OSMR: variants seen among roughly 807,000 people sequenced by gnomAD.
OSMR encodes the protein oncostatin M receptor.
Under a neutral mutation model 99.9 loss-of-function variants are expected in OSMR, and 81 were observed. The ratio of observed to expected loss-of-function variants is 0.81; its 90% CI spans 0.68 to 0.97. The LOEUF is 0.97. Ranked by LOEUF, OSMR falls within the 50% of genes least tolerant of loss-of-function variation. The probability of loss-of-function intolerance (pLI) is 0.00; values close to 1 mark genes in which losing one functional copy is unlikely to be tolerated. For missense variants in OSMR, 1,099 were observed against 1,153.4 expected (o/e 0.95, Z 0.68); for synonymous variants, 406 against 410.4 (o/e 0.99, Z 0.13).
chr5:38,926,392 A>G (rs2112675535), intron 15 of OSMR, among the ~76,000 whole-genome samples: 1 of 152,342 alleles, frequency 6.6e-6, no homozygotes, highest in East Asian at 1.9e-4. Context: ...GGGGTAATTT[A>G]TAAAGGAAAG....
At chr5:38,909,331 T>C (rs1473693989) in intron 9 of OSMR, among the ~76,000 whole-genome samples, 1 of 152,240 alleles carries the variant, frequency 6.6e-6, no homozygotes, top group Non-Finnish European at 1.5e-5. Flanking sequence ...CCAGCCTCAC[T>C]GGAGAGGACA....
chr5:38,853,104 C>T (rs921755896), intron 1 of OSMR, among the ~76,000 whole-genome samples: 1 of 152,156 alleles, frequency 6.6e-6, no homozygotes, highest in Non-Finnish European at 1.5e-5. Context: ...TCATTCTTCA[C>T]CCTCCCCCTA....
rs148893980 is a variant in OSMR, at chr5:38,923,646, A to G, written c.1870+392A>G. Among the ~76,000 whole-genome samples, 126 of 152,250 alleles carry G rather than the reference A, an allele frequency of 8.3e-4. 1 individual carries two copies. The highest frequency in any genetic ancestry group is 3.0e-3 in the African/African-American group (124 of 41,530). ...TTAAGACTTTCCACACATGTTGTGA[A>G]ATCACCCCCTAGAAATGTTACCACT... On this transcript the variant is annotated intron_variant, in intron 13 of 17. Transcript: ENST00000274276.
In OSMR at chr5:38,925,373, TGA is replaced by T. The variant is rs1746430835; in HGVS notation, c.2212+4_2212+5del. On this transcript the variant is annotated splice_donor_region_variant and intron_variant, in intron 15 of 17. Coordinates refer to ENST00000274276, the MANE Select transcript of OSMR (RefSeq NM_003999.3). ...AGGTCACGACTCCGGATGAACACTG[TGA>T]GTTTTCCCAAATCAAAGTTCTTCCC... 2 of 1,612,436 alleles carry T rather than the reference TGA, an allele frequency of 1.2e-6. No homozygotes were observed. The highest frequency in any genetic ancestry group is 1.3e-5 in the African/African-American group (1 of 74,884).
In OSMR at chr5:38,916,790, T is replaced by C. The variant is rs186473640; in HGVS notation, c.1286-756T>C. On this transcript the variant is annotated intron_variant, in intron 9 of 17. Transcript: ENST00000274276. ...GAAGCAGGTTGTTTTCTGAGTTCCTTTGAAGTTCGGTTTTTATTCATTCAA... is the reference window on the plus strand; with the variant it reads ...GAAGCAGGTTGTTTTCTGAGTTCCTCTGAAGTTCGGTTTTTATTCATTCAA... Among the ~76,000 whole-genome samples, 62 of 152,288 alleles carry C rather than the reference T, an allele frequency of 4.1e-4. 1 individual carries two copies. In the East Asian group the frequency reaches 8.1e-3, roughly 20 times the overall value.
chr5:38,912,362 A>T (rs1745643332), intron 9 of OSMR, among the ~76,000 whole-genome samples: 1 of 152,190 alleles, frequency 6.6e-6, no homozygotes, highest in Admixed American at 6.5e-5. Flanking sequence ...TAATACATTT[A>T]ACCAAGGAGG....
intron 7 of OSMR, among the ~76,000 whole-genome samples, chr5:38,901,265 G>A (rs759667233): frequency 2.0e-4 from 31 of 152,180 alleles, no homozygotes; most frequent in Non-Finnish European, 1.5e-4. Context: ...CAGACCATTG[G>A]TAGGCATATT....
At chr5:38,936,554 T>C (rs1333044886), downstream of OSMR, among the ~76,000 whole-genome samples, 1 of 152,182 alleles carries the variant, frequency 6.6e-6, no homozygotes, top group Admixed American at 6.5e-5. Flanking sequence ...TTCAAACACC[T>C]AACCCATACT....
chr5:38,860,912 A>G (rs1221077432), intron 1 of OSMR, among the ~76,000 whole-genome samples: 1 of 152,238 alleles, frequency 6.6e-6, no homozygotes, highest in Middle Eastern at 3.4e-3. Flanking sequence ...ACTTCAGGTG[A>G]TCTGCCCACC....
At chr5:38,876,044 A>T in intron 2 of OSMR, 157 bp from the exon 3 acceptor site, 1 of 581,940 alleles carries the variant, frequency 1.7e-6, no homozygotes, top group South Asian at 7.6e-5. Context: ...TGATTTCTAA[A>T]TTCTCTTCCA....
At chr5:38,863,524 A>C (rs1458456362) in intron 1 of OSMR, among the ~76,000 whole-genome samples, 2 of 152,168 alleles carry the variant, frequency 1.3e-5, no homozygotes, top group South Asian at 4.1e-4. Context: ...TGACAGAGCA[A>C]GACTTTGTTT....
rs765665969 is a variant in OSMR, at chr5:38,924,492, T to TTAC, written c.1943_1945dup (p.Tyr648dup). 1 of 1,614,058 alleles carries TTAC rather than the reference T, an allele frequency of 6.2e-7. No homozygotes were observed. The highest frequency in any genetic ancestry group is 1.7e-5 in the Admixed American group (1 of 60,028). On this transcript the variant is annotated inframe_insertion, in exon 14 of 18. Transcript: ENST00000274276. ...ACTCCTTCACTCTGAGTTGGAAAGA[T>TTAC]TACTCTACTGAATCTCAACCTGGTT...
In OSMR at chr5:38,933,572, C is replaced by T; in HGVS notation, c.*128C>T. ...TGCAGGTCTGGTTTATATAAGACCA[C>T]TACAGTCTGGCTAGGTTAAAGGCCA... is the stretch of plus-strand genomic sequence containing the variant. On this transcript the variant is annotated 3_prime_UTR_variant, in exon 18 of 18. Coordinates refer to ENST00000274276, the MANE Select transcript of OSMR (RefSeq NM_003999.3). The T allele has an allele frequency of 2.0e-6, 2 of 1,024,490 alleles. No homozygotes were observed. The highest frequency in any genetic ancestry group is 3.0e-6 in the Non-Finnish European group (2 of 674,588). The allele number at this position is 1,024,490 out of a possible 1,614,324, so 63.5% of individuals were successfully genotyped here.
chr5:38,865,067 T>C (rs1741835099), intron 1 of OSMR, among the ~76,000 whole-genome samples: 1 of 152,236 alleles, frequency 6.6e-6, no homozygotes, highest in Non-Finnish European at 1.5e-5. Context: ...TTGTATTTTT[T>C]ATTTCAATTA....
intron 15 of OSMR, 21 bp from the exon 16 acceptor site, chr5:38,931,862 C>T: frequency 6.2e-7 from 1 of 1,606,792 alleles, no homozygotes; most frequent in South Asian, 1.1e-5. Context: ...TAAAAATGTC[C>T]CTTTCTTTTT....
intron 2 of OSMR, among the ~76,000 whole-genome samples, chr5:38,874,604 C>T (rs890007172): frequency 2.6e-5 from 4 of 152,154 alleles, no homozygotes; most frequent in Non-Finnish European, 5.9e-5. Flanking sequence ...AGAGCCCCAT[C>T]CTGTCACCTG....
chr5:38,868,447 A>AG, intron 1 of OSMR, among the ~76,000 whole-genome samples: 1 of 152,302 alleles, frequency 6.6e-6, no homozygotes, highest in Admixed American at 6.5e-5. Context: ...GGAGGGACCC[A>AG]GGGGGAGGTA....
rs190430377 is a variant in OSMR, at chr5:38,927,922, A to T, written c.2212+2551A>T. Among the ~76,000 whole-genome samples the T allele has an allele frequency of 1.5e-3, 229 of 152,228 alleles. 1 individual carries two copies. Among genetic ancestry groups the T allele is most frequent in the Admixed American group, 4.8e-3 (73 of 15,302 alleles). On this transcript the variant is annotated intron_variant, in intron 15 of 17. Coordinates refer to ENST00000274276, the MANE Select transcript of OSMR (RefSeq NM_003999.3). ...TTTCTTCTGCCAGATACCCTAAATCATCTGTCTCAAGTTCAACGTTCCACA... is the reference window on the plus strand; with the variant it reads ...TTTCTTCTGCCAGATACCCTAAATCTTCTGTCTCAAGTTCAACGTTCCACA...
At chr5:38,913,915 T>C (rs1367202762) in intron 9 of OSMR, among the ~76,000 whole-genome samples, 1 of 152,184 alleles carries the variant, frequency 6.6e-6, no homozygotes, top group Non-Finnish European at 1.5e-5. Flanking sequence ...ATGTGTCATC[T>C]CACAGAACTC....
Sources: allele counts gnomAD v4.1 joint callset (sites outside exome capture counted in the v4.1 genomes callset), GRCh38; gene constraint gnomAD v4.1.1; transcripts MANE v1.5; gene names NCBI Gene and HGNC (gene_info 2026-07-23, HGNC 2026-07-21).